SYTL3: variants seen among roughly 807,000 people sequenced by gnomAD.
The protein encoded by SYTL3 is synaptotagmin like 3, also known as synaptotagmin-like protein 3.
SYTL3 carries 88 observed loss-of-function variants against 82.1 expected under a neutral mutation model. The ratio of observed to expected loss-of-function variants is 1.07; its 90% confidence interval spans 0.90 to 1.28. The LOEUF (loss-of-function observed/expected upper bound fraction) is 1.28. SYTL3 is among the 50% of genes most tolerant of loss of function. The pLI is 0.00. For synonymous variants in SYTL3, 311 were observed against 289.4 expected (o/e 1.07, Z -0.76); for missense variants, 831 against 757.6 (o/e 1.10, Z -1.14).
At chr6:158,733,878 A>C (rs1785764278) in intron 11 of SYTL3, among the ~76,000 whole-genome samples, 1 of 151,088 alleles carries the variant, frequency 6.6e-6, no homozygotes, top group Non-Finnish European at 1.5e-5. Flanking sequence ...AGGGCGGATC[A>C]CGAGGTCAGG....
chr6:158,673,800 C>A (rs188416702), intron 5 of SYTL3, among the ~76,000 whole-genome samples: 1 of 149,482 alleles, frequency 6.7e-6, no homozygotes, highest in Middle Eastern at 3.4e-3. Flanking sequence ...TCTTCTTCCT[C>A]GGGCCGGGCG....
intron 5 of SYTL3, among the ~76,000 whole-genome samples, chr6:158,681,217 A>C (rs1778653640): frequency 6.6e-6 from 1 of 152,166 alleles, no homozygotes; most frequent in Admixed American, 6.5e-5. Context: ...TCCTAAAAGG[A>C]TATTAACAAT....
intron 6 of SYTL3, among the ~76,000 whole-genome samples, chr6:158,695,884 A>G (rs1489420262): frequency 6.6e-6 from 1 of 152,206 alleles, no homozygotes; most frequent in African/African-American, 2.4e-5. Flanking sequence ...GATGAATAGT[A>G]TTCTGTGTCA....
intron 4 of SYTL3, 82 bp from the exon 5 acceptor site, chr6:158,665,313 G>C (rs1399348919): frequency 7.5e-7 from 1 of 1,338,478 alleles, no homozygotes; most frequent in African/African-American, 1.5e-5. Context: ...TTGCCATGGG[G>C]GTTACTGCCT....
Position 158,718,188 on chromosome 6 carries a change from A to G in SYTL3, c.697A>G (p.Thr233Ala). The change falls in exon 10 of 18, where the codon ACT (threonine) becomes GCT (alanine). Residue 233 changes from threonine to alanine, a missense_variant. Thr to Ala is a moderately conservative substitution (Grantham distance 58). Coordinates refer to ENST00000611299, the MANE Select transcript of SYTL3 (RefSeq NM_001242394.2). ...GQTERRSQSD[T>A]AVNVTTRKVS... ...GACAGAGAGACGGAGCCAGTCTGAC[A>G]CTGCGGTCAACGTCACCACCAGGGT... 1 of 1,540,898 alleles carries G rather than the reference A, an allele frequency of 6.5e-7. No individual in the cohort carries two copies.
Position 158,762,076 on chromosome 6 carries a change from G to C in SYTL3, c.1415G>C (p.Gly472Ala), listed in dbSNP as rs767685900. The C allele has an allele frequency of 6.2e-7, 1 of 1,611,144 alleles. No homozygotes were observed. The highest frequency in any genetic ancestry group is 8.5e-7 in the Non-Finnish European group (1 of 1,177,676). Residue 472 changes from glycine (G) to alanine (A), a missense_variant and splice_region_variant, in exon 16 of 18, where the codon GGG becomes GCG. Transcript: ENST00000611299. Reference sequence around the variant, plus strand: ...CAGTGAATACTGGCTTTCCTTCCAGGGACAGATCAGCCATCACTTCATGGT... The same window carrying C: ...CAGTGAATACTGGCTTTCCTTCCAGCGACAGATCAGCCATCACTTCATGGT... ...RPRKLQEAQE[G>A]TDQPSLHGQL...
chr6:158,693,522 T>C (rs1780148110), intron 6 of SYTL3, among the ~76,000 whole-genome samples: 1 of 152,134 alleles, frequency 6.6e-6, no homozygotes, highest in African/African-American at 2.4e-5. Flanking sequence ...GTAGTGGAGA[T>C]TACAGGTGCA....
At chr6:158,703,133 G>A (rs1388785577) in intron 6 of SYTL3, among the ~76,000 whole-genome samples, 8 of 140,298 alleles carry the variant, frequency 5.7e-5, no homozygotes, top group East Asian at 2.1e-4. Flanking sequence ...CAGCCTGGGC[G>A]ACAGAGCAAG....
At chr6:158,652,840 C>T (rs1030497268) in intron 2 of SYTL3, among the ~76,000 whole-genome samples, 3 of 152,208 alleles carry the variant, frequency 2.0e-5, no homozygotes, top group Non-Finnish European at 2.9e-5. Context: ...CGCACCCAGC[C>T]GAGTCTTCTA....
At chr6:158,705,564 C>CGG (rs145177528) in intron 6 of SYTL3, among the ~76,000 whole-genome samples, 18 of 77,398 alleles carry the variant, frequency 2.3e-4, no homozygotes, top group Non-Finnish European at 4.1e-4. Flanking sequence ...CATAGAGCAG[C>CGG]GGGGGGGGAC....
chr6:158,738,813 G>A (rs963578230), intron 11 of SYTL3, among the ~76,000 whole-genome samples: 1 of 152,086 alleles, frequency 6.6e-6, no homozygotes, highest in Non-Finnish European at 1.5e-5. Flanking sequence ...GTGTGCCACC[G>A]TGCCCAGCTA....
intron 8 of SYTL3, among the ~76,000 whole-genome samples, chr6:158,713,569 A>G (rs1423266721): frequency 1.3e-5 from 2 of 152,174 alleles, no homozygotes; most frequent in African/African-American, 4.8e-5. Flanking sequence ...GTGAATAGCA[A>G]AAGTAGGGAG....
chr6:158,728,098 A>AT (rs1274419302), intron 11 of SYTL3, among the ~76,000 whole-genome samples: 1 of 152,020 alleles, frequency 6.6e-6, no homozygotes, highest in Non-Finnish European at 1.5e-5. Context: ...TGTTTTTATA[A>AT]TTTTGATGAA....
intron 6 of SYTL3, among the ~76,000 whole-genome samples, chr6:158,703,073 G>A (rs1213922705): frequency 3.3e-5 from 5 of 149,710 alleles, no homozygotes; most frequent in Admixed American, 6.7e-5. Context: ...AGAATCACTC[G>A]AACCTGGGAG....
chr6:158,665,712 C>A (rs1364543266), intron 5 of SYTL3, 99 bp downstream of exon 5: 2 of 868,222 alleles, frequency 2.3e-6, no homozygotes, highest in African/African-American at 1.7e-5. Flanking sequence ...TCCTCACCTT[C>A]AGCCAGTAAA....
At position 158,682,560 on chromosome 6, in the gene SYTL3, CG is replaced by C. The variant is rs574282872; in HGVS notation, c.330-364del. The stretch of plus-strand genomic sequence containing the variant: ...ATTTTTAGTACAGACGGGGTTTCAC[CG>C]TGTTAGCCAGGATGGTCTTGATCTC... On this transcript the variant is annotated intron_variant, in intron 5 of 17. Coordinates refer to ENST00000611299, the MANE Select transcript of SYTL3 (RefSeq NM_001242394.2). 1.6e-3 allele frequency among the ~76,000 whole-genome samples: 236 copies of C among 151,830 alleles called. 1 individual carries two copies. The highest frequency in any genetic ancestry group is 5.4e-3 in the African/African-American group (222 of 41,400).
At chr6:158,676,765 C>T (rs1408579638) in intron 5 of SYTL3, among the ~76,000 whole-genome samples, 1 of 152,156 alleles carries the variant, frequency 6.6e-6, no homozygotes, top group Non-Finnish European at 1.5e-5. Flanking sequence ...AGACACTTCT[C>T]AAAAGAAGAC....
At chr6:158,712,643 A>G (rs918181033) in intron 8 of SYTL3, among the ~76,000 whole-genome samples, 1 of 152,124 alleles carries the variant, frequency 6.6e-6, no homozygotes, top group African/African-American at 2.4e-5. Flanking sequence ...TTGATCTTTC[A>G]TCGTTTAGGA....
intron 5 of SYTL3, among the ~76,000 whole-genome samples, chr6:158,677,600 G>A (rs1230678939): frequency 1.3e-5 from 2 of 151,230 alleles, no homozygotes; most frequent in South Asian, 4.2e-4. Flanking sequence ...AGCTACTTGG[G>A]AGGCTGAGGC....
Sources: gnomAD v4.1 joint callset for allele counts (sites outside exome capture counted in the v4.1 genomes callset) on GRCh38, gnomAD v4.1.1 for gene constraint, MANE v1.5 for transcripts, NCBI Gene and HGNC (gene_info 2026-07-23, HGNC 2026-07-21) for gene names.